The following DPYSL5 variants were observed in gnomAD, a reference collection of about 807,000 sequenced individuals.
The protein encoded by DPYSL5 is dihydropyrimidinase-related protein 5.
Under a neutral mutation model 58.4 loss-of-function variants are expected in DPYSL5, and 9 were observed. That is an observed-to-expected ratio of 0.15 (90% CI 0.09 to 0.27). The LOEUF (loss-of-function observed/expected upper bound fraction) is 0.27. DPYSL5 is among the 10% of genes least tolerant of loss of function. The pLI is 1.00. For synonymous variants in DPYSL5, 293 were observed against 301.9 expected, an observed-to-expected ratio of 0.97 and a Z score of 0.31; for missense variants, 499 against 770.6, an observed-to-expected ratio of 0.65 and a Z score of 4.17.
At chr2:26,940,277 A>T (rs1572720929) in intron 9 of DPYSL5, 105 bp downstream of exon 9, 4 of 1,402,766 alleles carry the variant, frequency 2.9e-6, no homozygotes, top group East Asian at 4.8e-5. Context: ...CCTGTCAAAG[A>T]ATGTTCTTAG....
At chr2:26,889,300 T>C (rs549539651) in intron 1 of DPYSL5, among the ~76,000 whole-genome samples, 402 of 151,952 alleles carry the variant, frequency 2.6e-3, no homozygotes, top group African/African-American at 9.3e-3. Context: ...GACGGAGTCT[T>C]GCTCTGTTGC....
chr2:26,947,270 G>C lies in DPYSL5; in HGVS notation c.*275G>C, dbSNP rs1665514287. 2 of 416,478 alleles carry C rather than the reference G, an allele frequency of 4.8e-6. No homozygotes were observed. The highest frequency in any genetic ancestry group is 4.0e-5 in the African/African-American group (2 of 50,226). 25.8% of individuals were successfully genotyped at this position (416,478 alleles called of 1,614,324 possible). On this transcript the variant is annotated 3_prime_UTR_variant, in exon 13 of 13. Coordinates refer to ENST00000288699, the MANE Select transcript of DPYSL5 (RefSeq NM_020134.4). The surrounding 1 kb of genome is among the most constrained non-coding windows in gnomAD (Gnocchi z 4.2). ...GCCCAGGAAGCCCACACTATGCACA[G>C]AGCCCAATGCATAGAGCCCTGGCCA...
chr2:26,875,698 T>G (rs1663394322), intron 1 of DPYSL5, among the ~76,000 whole-genome samples: 3 of 152,082 alleles, frequency 2.0e-5, no homozygotes, highest in Admixed American at 6.5e-5. Context: ...GGGCTGGTGG[T>G]GGCTGGGGGT....
At chr2:26,917,873 C>T (rs6706127) in intron 2 of DPYSL5, among the ~76,000 whole-genome samples, 59,900 of 151,910 alleles carry the variant, frequency 0.39, 12,221 homozygotes, top group Admixed American at 0.54. Flanking sequence ...CAGTGACTCA[C>T]GCCTGTAATC....
chr2:26,869,536 T>A (rs181448494), intron 1 of DPYSL5, among the ~76,000 whole-genome samples: 3 of 152,324 alleles, frequency 2.0e-5, no homozygotes, highest in Admixed American at 1.3e-4. Flanking sequence ...TATATAGATA[T>A]TCCCTTTCTG....
intron 2 of DPYSL5, among the ~76,000 whole-genome samples, chr2:26,912,754 G>C (rs1664473825): frequency 6.6e-6 from 1 of 152,222 alleles, no homozygotes; most frequent in African/African-American, 2.4e-5. Context: ...TTCTGGATTA[G>C]AGAGAAGCCT....
intron 2 of DPYSL5, among the ~76,000 whole-genome samples, chr2:26,921,789 C>T (rs576934863): frequency 6.6e-6 from 1 of 152,272 alleles, no homozygotes; most frequent in African/African-American, 2.4e-5. Flanking sequence ...TACTTATGTG[C>T]ATGCCCCTCC....
chr2:26,929,866 C>T (rs574485986), intron 5 of DPYSL5, among the ~76,000 whole-genome samples: 9 of 152,336 alleles, frequency 5.9e-5, no homozygotes, highest in African/African-American at 2.2e-4. Context: ...CCACATTAGA[C>T]GAATAACGCA....
At chr2:26,863,981 A>C (rs915844988) in intron 1 of DPYSL5, among the ~76,000 whole-genome samples, 1 of 152,168 alleles carries the variant, frequency 6.6e-6, no homozygotes, top group Non-Finnish European at 1.5e-5. Flanking sequence ...AGTGGCTCAC[A>C]CTTGTAATCA....
intron 1 of DPYSL5, among the ~76,000 whole-genome samples, chr2:26,878,946 AGT>A (rs1318759121): frequency 6.6e-6 from 1 of 152,208 alleles, no homozygotes; most frequent in Non-Finnish European, 1.5e-5. Flanking sequence ...CAGCCCAGTC[AGT>A]GTGAAGTGCT....
At chr2:26,929,965 A>G (rs1664930075) in intron 5 of DPYSL5, among the ~76,000 whole-genome samples, 1 of 152,200 alleles carries the variant, frequency 6.6e-6, no homozygotes, top group African/African-American at 2.4e-5. Context: ...AAAAATGCAG[A>G]TGGGTGGTTG....
intron 5 of DPYSL5, among the ~76,000 whole-genome samples, 168 bp downstream of exon 5, chr2:26,928,491 T>G (rs572501565): frequency 2.6e-5 from 4 of 150,980 alleles, no homozygotes; most frequent in Admixed American, 2.0e-4. Context: ...ACCCAGGAAT[T>G]TAAGACCAGC....
At chr2:26,935,070 G>A (rs1437615952) in intron 8 of DPYSL5, among the ~76,000 whole-genome samples, 1 of 152,104 alleles carries the variant, frequency 6.6e-6, no homozygotes, top group African/African-American at 2.4e-5. Context: ...AGAATGTAGG[G>A]GTCCTTTCTG....
At position 26,944,450 on chromosome 2, in the gene DPYSL5, A is replaced by G. The variant is rs567856229; in HGVS notation, c.1441-206A>G. Among the ~76,000 whole-genome samples the G allele has an allele frequency of 6.6e-6, 1 of 152,276 alleles. No individual in the cohort carries two copies. Among genetic ancestry groups the G allele is most frequent in the African/African-American group, 2.4e-5 (1 of 41,558 alleles). Reference sequence around the variant, plus strand: ...TACATGCACGCATGCACACATGTACACATATGCACATGCTCTTTAGGAGGT... The same window carrying G: ...TACATGCACGCATGCACACATGTACGCATATGCACATGCTCTTTAGGAGGT... On this transcript the variant is annotated intron_variant, in intron 11 of 12. Transcript: ENST00000288699. This position sits in a 1 kb window ranked among gnomAD's most constrained non-coding sequence, Gnocchi z 4.4.
chr2:26,908,161 G>C (rs1024477492), intron 2 of DPYSL5, among the ~76,000 whole-genome samples: 1 of 152,202 alleles, frequency 6.6e-6, no homozygotes, highest in African/African-American at 2.4e-5. Context: ...TAAATAAATA[G>C]ATCATGTTGA....
chr2:26,922,841 C>T (rs138865788), intron 2 of DPYSL5, among the ~76,000 whole-genome samples: 4 of 152,332 alleles, frequency 2.6e-5, no homozygotes, highest in African/African-American at 9.6e-5. Flanking sequence ...CTCCTTCTCC[C>T]GGTTCCTCTG....
At chr2:26,852,033 C>G (rs913649329) in intron 1 of DPYSL5, among the ~76,000 whole-genome samples, 9 of 152,184 alleles carry the variant, frequency 5.9e-5, no homozygotes, top group African/African-American at 2.2e-4. Context: ...ACAAGAGTAT[C>G]TGAGACCCAG....
At chr2:26,900,240 A>T (rs1664121856) in intron 2 of DPYSL5, among the ~76,000 whole-genome samples, 1 of 152,172 alleles carries the variant, frequency 6.6e-6, no homozygotes, top group South Asian at 2.1e-4. Flanking sequence ...TTCTAATAGG[A>T]TTTTTTAAAT....
chr2:26,941,739 T>A (rs1188159021), intron 9 of DPYSL5, among the ~76,000 whole-genome samples: 1 of 152,198 alleles, frequency 6.6e-6, no homozygotes, highest in African/African-American at 2.4e-5. Context: ...CTCACCATAG[T>A]TGCTGGGTGA....
Sources: gnomAD v4.1 joint callset for allele counts (sites outside exome capture counted in the v4.1 genomes callset) on GRCh38, gnomAD v4.1.1 for gene constraint, Gnocchi (gnomAD v3.1) non-coding constraint, MANE v1.5 for transcripts, NCBI Gene and HGNC (gene_info 2026-07-23, HGNC 2026-07-21) for gene names.